DTWD2: variants seen among roughly 807,000 people sequenced by gnomAD.
The protein encoded by DTWD2 is DTW motif tRNA-uridine aminocarboxypropyltransferase 2.
DTWD2 carries 39 observed loss-of-function variants against 31.8 expected under a neutral mutation model. The observed-to-expected ratio is 1.22, with a 90% confidence interval of 0.95 to 1.60. The LOEUF is 1.60. DTWD2 is among the 40% of genes most tolerant of loss of function. The pLI, the probability that DTWD2 is intolerant of heterozygous loss-of-function variation, is 0.00. For missense variants in DTWD2, 515 were observed against 381.5 expected, an observed-to-expected ratio of 1.35 and a Z score of -2.92; for synonymous variants, 180 against 142.8, an observed-to-expected ratio of 1.26 and a Z score of -1.86.
chr5:118,894,283 T>C (rs1411755160), intron 4 of DTWD2, among the ~76,000 whole-genome samples: 3 of 152,122 alleles, frequency 2.0e-5, no homozygotes, highest in Non-Finnish European at 4.4e-5. Flanking sequence ...CCACCTGTAA[T>C]TCAATATGTA....
At chr5:118,844,516 C>T (rs1751801749) in intron 5 of DTWD2, among the ~76,000 whole-genome samples, 1 of 152,118 alleles carries the variant, frequency 6.6e-6, no homozygotes, top group South Asian at 2.1e-4. Flanking sequence ...TTTTTGAGTG[C>T]CTGTGTTGAC....
intron 1 of DTWD2, among the ~76,000 whole-genome samples, chr5:118,954,772 C>T (rs939973708): frequency 4.6e-5 from 7 of 152,102 alleles, no homozygotes; most frequent in Non-Finnish European, 8.8e-5. Context: ...CCACCTGCTT[C>T]GGCCTCCCAA....
At chr5:118,983,226 T>C (rs978883574) in intron 1 of DTWD2, among the ~76,000 whole-genome samples, 3 of 152,258 alleles carry the variant, frequency 2.0e-5, no homozygotes, top group Middle Eastern at 6.8e-3. Context: ...GGAGCTACAG[T>C]GACCTGGAGA....
At chr5:118,853,422 C>G (rs547623238) in intron 4 of DTWD2, among the ~76,000 whole-genome samples, 3 of 152,220 alleles carry the variant, frequency 2.0e-5, no homozygotes, top group Non-Finnish European at 4.4e-5. Context: ...GAAAATAAAT[C>G]ATTCTACCAA....
chr5:118,896,466 GA>G (rs376983041), intron 4 of DTWD2, among the ~76,000 whole-genome samples: 4,870 of 136,744 alleles, frequency 0.036, 245 homozygotes, highest in African/African-American at 0.11. Flanking sequence ...GAGGAGGATA[GA>G]AAAAAAAAAA....
intron 4 of DTWD2, among the ~76,000 whole-genome samples, chr5:118,918,671 T>C (rs906207012): frequency 6.6e-6 from 1 of 152,000 alleles, no homozygotes; most frequent in African/African-American, 2.4e-5. Context: ...CTGCCACCAA[T>C]GCCAACACCA....
At chr5:118,855,705 T>C (rs1278530302) in intron 4 of DTWD2, among the ~76,000 whole-genome samples, 2 of 152,182 alleles carry the variant, frequency 1.3e-5, no homozygotes, top group African/African-American at 4.8e-5. Flanking sequence ...TAGAAATATA[T>C]TGTAAACATT....
At chr5:118,865,911 T>A (rs962009894) in intron 4 of DTWD2, among the ~76,000 whole-genome samples, 39 of 152,242 alleles carry the variant, frequency 2.6e-4, no homozygotes, top group Middle Eastern at 3.4e-3. Flanking sequence ...GACCTTAATA[T>A]CATCAAAGCT....
intron 1 of DTWD2, among the ~76,000 whole-genome samples, chr5:118,985,494 AT>A (rs1733864261): frequency 9.8e-6 from 1 of 102,432 alleles, no homozygotes; most frequent in African/African-American, 4.6e-5. Flanking sequence ...GCATTTTTAT[AT>A]ATATATATAT....
chr5:118,886,370 G>A (rs1225123333), intron 4 of DTWD2, among the ~76,000 whole-genome samples: 1 of 152,184 alleles, frequency 6.6e-6, no homozygotes, highest in Non-Finnish European at 1.5e-5. Flanking sequence ...AACTATTAAA[G>A]CATGAAATAA....
chr5:118,943,972 T>C (rs967209198), intron 2 of DTWD2, among the ~76,000 whole-genome samples: 3 of 152,216 alleles, frequency 2.0e-5, no homozygotes, highest in African/African-American at 7.2e-5. Context: ...TTGTATTAAT[T>C]ATAACTTCCT....
chr5:118,971,570 G>T (rs912829578), intron 1 of DTWD2, among the ~76,000 whole-genome samples: 5 of 152,024 alleles, frequency 3.3e-5, no homozygotes, highest in African/African-American at 1.2e-4. Context: ...TTAGACAGAT[G>T]ATCAAGACAG....
chr5:118,985,517 T>TATATATATATAC (rs1554072595), intron 1 of DTWD2, among the ~76,000 whole-genome samples: 4,084 of 107,124 alleles, frequency 0.038, 87 homozygotes, highest in Non-Finnish European at 0.048. Flanking sequence ...TATATATATA[T>TATATATATATAC]ACACACACAT....
chr5:118,918,423 G>A (rs564273556), intron 4 of DTWD2, among the ~76,000 whole-genome samples: 19 of 148,886 alleles, frequency 1.3e-4, no homozygotes, highest in Admixed American at 6.0e-4. Flanking sequence ...GCCTCCTGGT[G>A]AACACTAGAG....
At chr5:118,919,378 A>G (rs1193599759) in intron 4 of DTWD2, among the ~76,000 whole-genome samples, 1 of 152,260 alleles carries the variant, frequency 6.6e-6, no homozygotes, top group African/African-American at 2.4e-5. Context: ...CCCTTGAAGT[A>G]TGAGCAAATG....
intron 4 of DTWD2, among the ~76,000 whole-genome samples, chr5:118,885,281 A>C (rs952419808): frequency 1.3e-5 from 2 of 151,192 alleles, no homozygotes; most frequent in Non-Finnish European, 2.9e-5. Context: ...GTGAAACCCT[A>C]TCTCTACTAA....
intron 4 of DTWD2, among the ~76,000 whole-genome samples, chr5:118,908,729 C>T (rs1025731061): frequency 6.6e-6 from 1 of 151,114 alleles, no homozygotes; most frequent in Non-Finnish European, 1.5e-5. Flanking sequence ...AAAATGTAAC[C>T]TGAAGACTGC....
At chr5:118,850,927 A>C (rs1054237457) in intron 4 of DTWD2, among the ~76,000 whole-genome samples, 4 of 152,206 alleles carry the variant, frequency 2.6e-5, no homozygotes, top group African/African-American at 9.6e-5. Flanking sequence ...GCTCAGTATC[A>C]TTAATCTTTA....
chr5:118,867,146 T>G (rs1752397877), intron 4 of DTWD2, among the ~76,000 whole-genome samples: 1 of 152,230 alleles, frequency 6.6e-6, no homozygotes, highest in Admixed American at 6.5e-5. Flanking sequence ...TAAATTTATA[T>G]TGGCCTGAAA....
Sources: allele counts gnomAD v4.1 joint callset (sites outside exome capture counted in the v4.1 genomes callset), GRCh38; gene constraint gnomAD v4.1.1; transcripts MANE v1.5; gene names NCBI Gene and HGNC (gene_info 2026-07-23, HGNC 2026-07-21).